The following TTC3 variants were observed in gnomAD, a reference collection of about 807,000 sequenced individuals.
TTC3 encodes E3 ubiquitin-protein ligase TTC3.
In TTC3, 180 loss-of-function variants were observed where a neutral mutation model predicts 249.6. The ratio of observed to expected loss-of-function variants is 0.72; its 90% CI spans 0.64 to 0.82. The LOEUF (loss-of-function observed/expected upper bound fraction) is 0.82. Among genes scored for constraint, TTC3 ranks in the 40% least tolerant of loss-of-function variants. The pLI is 0.00. For missense variants in TTC3, 2,061 were observed against 2,398.4 expected (o/e 0.86, Z 2.94); for synonymous variants, 717 against 805.0 (o/e 0.89, Z 1.85).
exon 38 of TTC3, chr21:37,187,109 T>C: frequency 6.3e-7 from 1 of 1,578,572 alleles, no homozygotes; most frequent in Non-Finnish European, 8.6e-7. Context: ...GGAAAGAGGA[T>C]TATGAAGAGA....
intron 39 of TTC3, 23 bp downstream of exon 39, chr21:37,188,618 C>T: frequency 1.3e-6 from 2 of 1,572,404 alleles, no homozygotes; most frequent in Non-Finnish European, 1.8e-6. Context: ...CGTGGGTGTT[C>T]TCAGCACGTC....
At chr21:37,182,686 A>T in intron 35 of TTC3, 88 bp from the exon 36 acceptor site, 1 of 1,314,104 alleles carries the variant, frequency 7.6e-7, no homozygotes, top group Non-Finnish European at 1.0e-6. Flanking sequence ...TGTTTAAGCT[A>T]TGGCACCGTC....
At chr21:37,166,756 A>C in intron 33 of TTC3, 141 bp downstream of exon 33, 1 of 1,378,268 alleles carries the variant, frequency 7.3e-7, no homozygotes, top group Non-Finnish European at 9.6e-7. Flanking sequence ...AAATACTTTT[A>C]AAATATGAAC....
chr21:37,161,375 A>G (rs762545293), intron 30 of TTC3, among the ~76,000 whole-genome samples: 16 of 152,142 alleles, frequency 1.1e-4, no homozygotes, highest in Non-Finnish European at 5.9e-5. Flanking sequence ...TCCCAGGCTC[A>G]AGTGATCTTC....
At chr21:37,135,985 A>T (rs2077897050) in intron 18 of TTC3, among the ~76,000 whole-genome samples, 2 of 152,158 alleles carry the variant, frequency 1.3e-5, no homozygotes. Flanking sequence ...CAATATGTCA[A>T]ACTTTTTCAT....
At chr21:37,132,913 C>T in intron 17 of TTC3, 147 bp downstream of exon 17, 1 of 548,874 alleles carries the variant, frequency 1.8e-6, no homozygotes, top group Non-Finnish European at 3.0e-6. Context: ...TGGGGTCTCA[C>T]TGTGTTGTCC....
chr21:37,107,479 T>A (rs1188450696), intron 10 of TTC3, among the ~76,000 whole-genome samples: 1 of 152,176 alleles, frequency 6.6e-6, no homozygotes, highest in Non-Finnish European at 1.5e-5. Context: ...TAGACTGTGG[T>A]ATGGATCTGT....
At chr21:37,090,602 T>G (rs2073138591) in intron 6 of TTC3, 13 of 904,410 alleles carry the variant, frequency 1.4e-5, no homozygotes, top group Non-Finnish European at 1.7e-5. Context: ...ATGAATATTT[T>G]TTGTTATATA....
At chr21:37,156,524 A>C in intron 27 of TTC3, 131 bp from the exon 28 acceptor site, 1 of 1,130,366 alleles carries the variant, frequency 8.8e-7, no homozygotes, top group South Asian at 1.6e-5. Flanking sequence ...ATCTGTTCTC[A>C]ACTATTTAAA....
chr21:37,136,325 G>GAAAGCT (rs1889368466), intron 18 of TTC3, among the ~76,000 whole-genome samples: 1 of 152,228 alleles, frequency 6.6e-6, no homozygotes, highest in South Asian at 2.1e-4. Flanking sequence ...AAGACAGGCA[G>GAAAGCT]AAAGCTAGTC....
intron 36 of TTC3, among the ~76,000 whole-genome samples, chr21:37,183,944 A>T (rs2082991885): frequency 6.6e-6 from 1 of 152,148 alleles, no homozygotes; most frequent in Non-Finnish European, 1.5e-5. Flanking sequence ...GCCACGCTAC[A>T]CACTCACCTT....
At position 37,089,702 on chromosome 21, in the gene TTC3, C is replaced by T. The variant is rs192879968; in HGVS notation, c.427-531C>T. ...TTAACTTTTGTATTTTTAGTAGAAA[C>T]GGGGTTTCACCATGTTGGCCAGGCT... On this transcript the variant is annotated intron_variant, in intron 5 of 45. Coordinates refer to ENST00000355666, the Ensembl canonical transcript of TTC3. Among the ~76,000 whole-genome samples, 13 of 152,132 alleles carry T rather than the reference C, an allele frequency of 8.5e-5. No individual in the cohort carries two copies. In the East Asian group the frequency reaches 1.2e-3, roughly 14 times the overall value.
At chr21:37,174,251 A>T (rs908271496) in intron 35 of TTC3, among the ~76,000 whole-genome samples, 10 of 152,200 alleles carry the variant, frequency 6.6e-5, no homozygotes, top group African/African-American at 2.4e-4. Flanking sequence ...TAACTTGTTA[A>T]GGCTTTGAGT....
At chr21:37,105,880 G>A (rs2075031381) in intron 10 of TTC3, among the ~76,000 whole-genome samples, 1 of 152,160 alleles carries the variant, frequency 6.6e-6, no homozygotes, top group Non-Finnish European at 1.5e-5. Flanking sequence ...GGGCATTTGG[G>A]TAGCTTCTCC....
chr21:37,076,000 C>G (rs2070807903), intron 1 of TTC3, among the ~76,000 whole-genome samples: 1 of 152,026 alleles, frequency 6.6e-6, no homozygotes, highest in South Asian at 2.1e-4. Flanking sequence ...ATAAAATGAA[C>G]ACCTATGAAT....
chr21:37,190,143 T>C (rs1029999776), intron 39 of TTC3, among the ~76,000 whole-genome samples: 33 of 125,424 alleles, frequency 2.6e-4, no homozygotes, highest in African/African-American at 5.0e-4. Context: ...TTTTTTTTTT[T>C]TTTTTTTTTT....
chr21:37,171,371 A>G (rs569453191), intron 34 of TTC3, among the ~76,000 whole-genome samples: 1 of 152,370 alleles, frequency 6.6e-6, no homozygotes, highest in South Asian at 2.1e-4. Flanking sequence ...GAATCCCAGC[A>G]TTGCTACTTT....
At chr21:37,163,229 G>C (rs1420201320) in intron 31 of TTC3, among the ~76,000 whole-genome samples, 4 of 152,182 alleles carry the variant, frequency 2.6e-5, no homozygotes, top group East Asian at 1.9e-4. Flanking sequence ...GCACAGTGCA[G>C]AGCGACTTGC....
intron 40 of TTC3, 110 bp from the exon 41 acceptor site, chr21:37,192,002 T>C (rs112641471): frequency 0.012 from 7,959 of 660,926 alleles, 86 homozygotes; most frequent in East Asian, 0.021. Flanking sequence ...AATGAGGTCT[T>C]ATTTTGAATT....
Sources: allele counts gnomAD v4.1 joint callset (sites outside exome capture counted in the v4.1 genomes callset), GRCh38; gene constraint gnomAD v4.1.1; transcripts MANE v1.5; gene names NCBI Gene and HGNC (gene_info 2026-07-23, HGNC 2026-07-21).